The following GRAMD2A variants were observed in gnomAD, a reference collection of about 807,000 sequenced individuals.
GRAMD2A encodes the protein GRAM domain-containing protein 2A.
A neutral mutation model predicts 51.1 loss-of-function variants in GRAMD2A; 37 were observed. The observed-to-expected ratio is 0.72, with a 90% CI of 0.56 to 0.95. The LOEUF (loss-of-function observed/expected upper bound fraction) is 0.95, where lower values mean the gene tolerates loss of function less well. Among genes scored for constraint, GRAMD2A ranks in the 40% least tolerant of loss-of-function variants. The pLI is 0.00. For missense variants in GRAMD2A, 414 were observed against 426.9 expected, an observed-to-expected ratio of 0.97 and a Z score of 0.27; for synonymous variants, 136 against 157.1, an observed-to-expected ratio of 0.87 and a Z score of 1.01.
In GRAMD2A at chr15:72,163,437, C is replaced by T; in HGVS notation, c.785G>A (p.Arg262Lys). The T allele has an allele frequency of 6.2e-7, 1 of 1,614,180 alleles. No individual in the cohort carries two copies. Among genetic ancestry groups the T allele is most frequent in the Non-Finnish European group, 8.5e-7 (1 of 1,180,012 alleles). ...CCAGCCTGGCATGGGCCATGCCCAC[C>T]TCCCACCATTTTCTGAAGCTACTTG... The part of the protein sequence containing the change: ...RAQVASENGG[R>K]WAWPMPGWGP... The change falls in exon 10 of 12, where the codon AGG becomes AAG. Residue 262 changes from arginine (R) to lysine (K), a missense_variant. Transcript: ENST00000309731.
chr15:72,190,388 A>AT (rs2081760335), intron 1 of GRAMD2A, among the ~76,000 whole-genome samples: 2 of 152,008 alleles, frequency 1.3e-5, no homozygotes, highest in African/African-American at 2.4e-5. Flanking sequence ...AAAAAAAAAA[A>AT]GGTTCTTCCC....
At position 72,166,598 on chromosome 15, in the gene GRAMD2A, A is replaced by T; in HGVS notation, c.543+34T>A. 6.4e-7 allele frequency: 1 copy of T among 1,555,110 alleles called. No individual in the cohort carries two copies. The highest frequency in any genetic ancestry group is 8.9e-7 in the Non-Finnish European group (1 of 1,127,018). ...CAAGACCTGCATCCAGGCCTGAGCG[A>T]CTTCCCTGGCCTTCCTGCTCCCAAG... is the stretch of plus-strand genomic sequence containing the variant. On this transcript the variant is annotated intron_variant, in intron 7 of 11. Coordinates refer to ENST00000309731, the MANE Select transcript of GRAMD2A (RefSeq NM_001012642.3). The surrounding 1 kb of genome is among the most constrained non-coding windows in gnomAD (Gnocchi z 4.1).
At chr15:72,178,372 G>A (rs146486536) in intron 1 of GRAMD2A, among the ~76,000 whole-genome samples, 82 of 152,196 alleles carry the variant, frequency 5.4e-4, no homozygotes, top group African/African-American at 1.9e-3. Context: ...TGTCCTTCCC[G>A]AGAGACTCCC....
In GRAMD2A at chr15:72,162,394, T is replaced by A; in HGVS notation, c.957-17A>T. 6.5e-7 allele frequency: 1 copy of A among 1,548,090 alleles called. No homozygotes were observed. Among genetic ancestry groups the A allele is most frequent in the South Asian group, 1.1e-5 (1 of 89,020 alleles). ...AAGCAGATCCTGAAGAAAGCGGCAA[T>A]ACGGAGTTAAATATTTCTTCCACAG... On this transcript the variant is annotated splice_polypyrimidine_tract_variant and intron_variant, in intron 10 of 11. Transcript: ENST00000309731.
chr15:72,163,899 G>A (rs1040610988), intron 8 of GRAMD2A, 142 bp from the exon 9 acceptor site: 10 of 802,508 alleles, frequency 1.2e-5, no homozygotes, highest in Admixed American at 3.1e-5. Flanking sequence ...AGGTACAAGC[G>A]AGGAGGGCAG....
At chr15:72,172,418 CTTTT>C (rs775170780) in intron 1 of GRAMD2A, among the ~76,000 whole-genome samples, 2 of 138,064 alleles carry the variant, frequency 1.4e-5, no homozygotes, top group Admixed American at 7.3e-5. Flanking sequence ...CATGCCTAGC[CTTTT>C]TTTTTTTTTT....
At chr15:72,179,222 C>G (rs1391144302) in intron 1 of GRAMD2A, among the ~76,000 whole-genome samples, 2 of 152,234 alleles carry the variant, frequency 1.3e-5, no homozygotes, top group Non-Finnish European at 2.9e-5. Context: ...CTTCCCAAGA[C>G]CTACCAAGTG....
chr15:72,178,637 G>A lies in GRAMD2A; in HGVS notation c.42-8698C>T, dbSNP rs140965607. 1.3e-3 allele frequency among the ~76,000 whole-genome samples: 181 copies of A among 140,134 alleles called. 4 individuals carry two copies. The East Asian group carries it at 0.021, about 17-fold the overall frequency. 91.9% of individuals were successfully genotyped at this position (140,134 alleles called of 152,430 possible). A position where few individuals can be genotyped will look rare whatever the true frequency, so the allele number is the denominator to read the frequency against. On this transcript the variant is annotated intron_variant, in intron 1 of 11. Transcript: ENST00000309731. ...ATCGCCCAGGCTGGAGTGCAGTGGCGCAATCTCGGCTCACTGCCAGCTCTG... is the reference window on the plus strand; with the variant it reads ...ATCGCCCAGGCTGGAGTGCAGTGGCACAATCTCGGCTCACTGCCAGCTCTG...
chr15:72,167,589 A>G, intron 5 of GRAMD2A, 147 bp downstream of exon 5: 2 of 670,878 alleles, frequency 3.0e-6, no homozygotes, highest in South Asian at 3.4e-5. Context: ...ACTGGATGGG[A>G]TGCCTCGAAG....
chr15:72,162,126 G>A lies in GRAMD2A; in HGVS notation c.1062-114C>T, dbSNP rs2081482737. ...CCAAGAGTGGGCCAGGGTGGGACTG[G>A]TGTACCCTGCACGCTGCCCAACCTT... On this transcript the variant is annotated intron_variant, in intron 11 of 11. Coordinates refer to ENST00000309731, the MANE Select transcript of GRAMD2A (RefSeq NM_001012642.3). 5 of 1,406,120 alleles carry A rather than the reference G, an allele frequency of 3.6e-6. No homozygotes were observed. The South Asian group carries it at 5.8e-5, about 16-fold the overall frequency. The allele number at this position is 1,406,120 out of a possible 1,614,324, so 87.1% of individuals were successfully genotyped here. A position where few individuals can be genotyped will look rare whatever the true frequency, so the allele number is the denominator to read the frequency against.
rs369001650 is a variant in GRAMD2A, at chr15:72,179,075, C to T, written c.42-9136G>A. ...CCCCTGGCAGCGGGCTCCAGAGGGG[C>T]GGGAACTCAACCTCATCACAATCCC... On this transcript the variant is annotated intron_variant, in intron 1 of 11. Transcript: ENST00000309731. 8.1e-4 allele frequency among the ~76,000 whole-genome samples: 123 copies of T among 152,282 alleles called. 1 individual carries two copies. Among genetic ancestry groups the T allele is most frequent in the Middle Eastern group, 3.4e-3 (1 of 294 alleles).
intron 2 of GRAMD2A, chr15:72,169,581 ACCTTTGCCTTGG>A: frequency 1.5e-6 from 1 of 656,478 alleles, no homozygotes; most frequent in Non-Finnish European, 2.8e-6. Context: ...AAAAAGGTAA[ACCTTTGCCTTGG>A]CCAGGTTGGC....
intron 8 of GRAMD2A, chr15:72,163,984 T>C: frequency 2.0e-6 from 1 of 489,490 alleles, no homozygotes; most frequent in Non-Finnish European, 3.6e-6. Flanking sequence ...AACGATGTCT[T>C]TGAACACTGC....
chr15:72,168,537 G>C lies in GRAMD2A; in HGVS notation c.222C>G (p.Tyr74Ter), dbSNP rs765042015. 3 of 1,613,868 alleles carry C rather than the reference G, an allele frequency of 1.9e-6. No individual in the cohort carries two copies. Among genetic ancestry groups the C allele is most frequent in the Admixed American group, 1.7e-5 (1 of 60,026 alleles). Residue 74 changes from tyrosine to a stop codon, truncating the protein, a stop_gained, in exon 4 of 12, where the codon TAC becomes TAG. Coordinates refer to ENST00000309731, the MANE Select transcript of GRAMD2A (RefSeq NM_001012642.3). LOFTEE classifies it high-confidence loss of function. ...GITLNKYNQQ[Y>*]HKLFKDVPLE... ...AGGGAACATCCTTAAACAGCTTGTG[G>C]TATTGCTGGTTGTATTTATTCAGTG...
intron 8 of GRAMD2A, 83 bp from the exon 9 acceptor site, chr15:72,163,840 G>GT: frequency 7.0e-7 from 1 of 1,428,210 alleles, no homozygotes; most frequent in Non-Finnish European, 9.5e-7. Context: ...GTTTATCAGA[G>GT]TTTTCTCCAG....
chr15:72,166,789 G>T lies in GRAMD2A; in HGVS notation c.472-86C>A. On this transcript the variant is annotated intron_variant, in intron 6 of 11. Transcript: ENST00000309731. This position sits in a 1 kb window ranked among gnomAD's most constrained non-coding sequence, Gnocchi z 4.1. ...CCAGCCCCCTTGTGGATTGGGCACA[G>T]GCCCACAGGGGTATCAGGCCATGAG... The T allele has an allele frequency of 1.7e-6, 2 of 1,175,092 alleles. No individual in the cohort carries two copies. The highest frequency in any genetic ancestry group is 2.5e-6 in the Non-Finnish European group (2 of 789,894). The allele number at this position is 1,175,092 out of a possible 1,614,324, so 72.8% of individuals were successfully genotyped here. A position where few individuals can be genotyped will look rare whatever the true frequency, so the allele number is the denominator to read the frequency against.
Position 72,161,095 on chromosome 15 carries a change from A to G in GRAMD2A, c.*914T>C, listed in dbSNP as rs535770409. On this transcript the variant is annotated 3_prime_UTR_variant, in exon 12 of 12. Coordinates refer to ENST00000309731, the MANE Select transcript of GRAMD2A (RefSeq NM_001012642.3). Reference sequence around the variant, plus strand: ...GGCCATGCCTGAGATGCGGGCAGGCAGGCAGGGAGTGGACAGCAAGACCTC... The same window carrying G: ...GGCCATGCCTGAGATGCGGGCAGGCGGGCAGGGAGTGGACAGCAAGACCTC... 6 of 152,544 alleles carry G rather than the reference A, an allele frequency of 3.9e-5. No individual in the cohort carries two copies. The highest frequency in any genetic ancestry group is 1.4e-4 in the African/African-American group (6 of 41,592). The allele number at this position is 152,544 out of a possible 1,614,324, so 9.4% of individuals were successfully genotyped here.
chr15:72,172,661 C>G (rs1327385955), intron 1 of GRAMD2A, among the ~76,000 whole-genome samples: 1 of 151,722 alleles, frequency 6.6e-6, no homozygotes, highest in South Asian at 2.1e-4. Context: ...AACTCCTGAT[C>G]TCAGGTGATT....
At chr15:72,184,475 G>T (rs112074897) in intron 1 of GRAMD2A, among the ~76,000 whole-genome samples, 1 of 152,210 alleles carries the variant, frequency 6.6e-6, no homozygotes, top group African/African-American at 2.4e-5. Context: ...CTGGGCTCCC[G>T]GGAAAAGGAG....
Sources: allele counts gnomAD v4.1 joint callset (sites outside exome capture counted in the v4.1 genomes callset), GRCh38; gene constraint gnomAD v4.1.1; non-coding constraint Gnocchi (gnomAD v3.1); transcripts MANE v1.5; gene names NCBI Gene and HGNC (gene_info 2026-07-23, HGNC 2026-07-21).